The following CDV3 variants were observed in gnomAD, a reference collection of about 807,000 sequenced individuals.
CDV3 encodes the protein CDV3 homolog, also known as protein CDV3 homolog.
A neutral mutation model predicts 24.5 loss-of-function variants in CDV3; 14 were observed. That is an observed-to-expected ratio of 0.57 (90% CI 0.38 to 0.89). The LOEUF (loss-of-function observed/expected upper bound fraction) is 0.89, where lower values mean the gene tolerates loss of function less well. Ranked by LOEUF, CDV3 falls within the 40% of genes least tolerant of loss-of-function variation. The probability of loss-of-function intolerance (pLI) is 0.00; values close to 1 mark genes in which losing one functional copy is unlikely to be tolerated. For synonymous variants in CDV3, 114 were observed against 114.1 expected (o/e 1.00, Z 0.00); for missense variants, 304 against 310.2 (o/e 0.98, Z 0.15).
intron 2 of CDV3, among the ~76,000 whole-genome samples, chr3:133,578,810 C>G (rs994992095): frequency 1.2e-4 from 19 of 152,144 alleles, no homozygotes; most frequent in Non-Finnish European, 1.0e-4. Context: ...CTGCTTCCCC[C>G]TAGTGTTGGG....
At chr3:133,579,817 T>A (rs2074948738) in intron 2 of CDV3, among the ~76,000 whole-genome samples, 3 of 152,178 alleles carry the variant, frequency 2.0e-5, no homozygotes, top group African/African-American at 7.2e-5. Context: ...GGTCTCGAAC[T>A]CCTGACCTCC....
intron 2 of CDV3, among the ~76,000 whole-genome samples, chr3:133,583,062 C>T (rs766527834): frequency 2.5e-4 from 38 of 152,190 alleles, no homozygotes; most frequent in Non-Finnish European, 5.1e-4. Flanking sequence ...AATTAATTAG[C>T]ATTGAGAAAA....
At chr3:133,576,342 C>T (rs2074806165) in intron 2 of CDV3, among the ~76,000 whole-genome samples, 1 of 152,118 alleles carries the variant, frequency 6.6e-6, no homozygotes, top group Non-Finnish European at 1.5e-5. Flanking sequence ...ATGTGTCTTT[C>T]TCTTTTCTGT....
chr3:133,575,189 C>A, intron 2 of CDV3, 74 bp downstream of exon 2: 1 of 822,786 alleles, frequency 1.2e-6, no homozygotes, highest in Admixed American at 2.0e-5. Context: ...TTTCCTTTGG[C>A]CCCAAAGCAG....
intron 3 of CDV3, among the ~76,000 whole-genome samples, chr3:133,585,505 T>C (rs1252151390): frequency 2.1e-5 from 3 of 144,746 alleles, no homozygotes; most frequent in African/African-American, 8.2e-5. Context: ...TTTTTCTTTT[T>C]TTTTTTTAAG....
intron 2 of CDV3, among the ~76,000 whole-genome samples, chr3:133,578,912 G>A (rs2074917163): frequency 6.6e-6 from 1 of 152,158 alleles, no homozygotes; most frequent in Admixed American, 6.5e-5. Flanking sequence ...TGCAGGATGT[G>A]TGATCCTATC....
intron 4 of CDV3, 133 bp downstream of exon 4, chr3:133,586,855 A>G (rs1933658264): frequency 1.6e-6 from 1 of 628,560 alleles, no homozygotes; most frequent in Non-Finnish European, 2.9e-6. Context: ...TTCAGCTGAC[A>G]GGCAGGTGAG....
Position 133,590,053 on chromosome 3 carries a change from A to C in CDV3, c.*2007A>C, listed in dbSNP as rs1933964609. The C allele has an allele frequency of 3.3e-5, 5 of 152,356 alleles. No homozygotes were observed. The South Asian group carries it at 1.0e-3, about 32-fold the overall frequency. The allele number at this position is 152,356 out of a possible 1,614,324, so 9.4% of individuals were successfully genotyped here. The stretch of plus-strand genomic sequence containing the variant: ...AAGGCATATTGTACTCGAAATCTGA[A>C]GACCTGCAGCAGATTTAAATTACAA... On this transcript the variant is annotated 3_prime_UTR_variant, in exon 5 of 5. Transcript: ENST00000264993.
intron 2 of CDV3, among the ~76,000 whole-genome samples, chr3:133,577,456 G>A (rs1037139745): frequency 4.0e-5 from 6 of 151,076 alleles, no homozygotes; most frequent in African/African-American, 1.5e-4. Context: ...AGCCTCCCGG[G>A]TTCAAGCGAT....
chr3:133,574,482 C>G, intron 1 of CDV3, 198 bp downstream of exon 1: 1 of 986,380 alleles, frequency 1.0e-6, no homozygotes, highest in Non-Finnish European at 1.2e-6. Flanking sequence ...CGCGGTGGAG[C>G]CGCCCTTCCC....
intron 2 of CDV3, among the ~76,000 whole-genome samples, chr3:133,576,562 A>T (rs541591010): frequency 8.6e-4 from 131 of 152,136 alleles, no homozygotes; most frequent in Non-Finnish European, 1.5e-3. Context: ...GCAAAATAGC[A>T]CTTTTCTGAA....
chr3:133,587,759 G>C lies in CDV3; in HGVS notation c.627-137G>C, dbSNP rs1263103486. 3 of 1,432,516 alleles carry C rather than the reference G, an allele frequency of 2.1e-6. No homozygotes were observed. In the East Asian group the frequency reaches 7.4e-5, roughly 36 times the overall value. The allele number at this position is 1,432,516 out of a possible 1,614,324, so 88.7% of individuals were successfully genotyped here. ...TGAAGCCTTAAAATGGTTTGATAAG[G>C]ATTTTCTATATGCCTCCACTCCTAC... On this transcript the variant is annotated intron_variant, in intron 4 of 4. Coordinates refer to ENST00000264993, the MANE Select transcript of CDV3 (RefSeq NM_017548.5).
chr3:133,586,456 C>T, intron 3 of CDV3, 107 bp from the exon 4 acceptor site: 1 of 654,254 alleles, frequency 1.5e-6, no homozygotes, highest in East Asian at 2.7e-5. Flanking sequence ...CCCAGAGACC[C>T]TGGTATTGTT....
chr3:133,581,273 A>G (rs1932988545), intron 2 of CDV3, among the ~76,000 whole-genome samples: 1 of 152,088 alleles, frequency 6.6e-6, no homozygotes, highest in South Asian at 2.1e-4. Flanking sequence ...GTTCTAGCTT[A>G]CTTGGGAGGC....
chr3:133,583,125 T>TTA (rs1390009946), intron 2 of CDV3, among the ~76,000 whole-genome samples: 1 of 152,162 alleles, frequency 6.6e-6, no homozygotes, highest in Non-Finnish European at 1.5e-5. Context: ...TCTTTTCCAT[T>TTA]TATAACATCT....
chr3:133,575,394 G>A (rs2107690703), intron 2 of CDV3, among the ~76,000 whole-genome samples: 1 of 152,254 alleles, frequency 6.6e-6, no homozygotes, highest in Non-Finnish European at 1.5e-5. Context: ...GGATTTTGTC[G>A]CTTCAAAATT....
At chr3:133,575,253 G>C in intron 2 of CDV3, 138 bp downstream of exon 2, 1 of 563,320 alleles carries the variant, frequency 1.8e-6, no homozygotes, top group Non-Finnish European at 3.2e-6. Flanking sequence ...AATGGGTTCT[G>C]TCTACTCTTT....
At chr3:133,581,740 A>G (rs1933045745) in intron 2 of CDV3, among the ~76,000 whole-genome samples, 1 of 152,168 alleles carries the variant, frequency 6.6e-6, no homozygotes, top group Non-Finnish European at 1.5e-5. Flanking sequence ...ACCCAGAGCT[A>G]CTCTATAAAA....
At chr3:133,574,500 G>C in intron 1 of CDV3, 7 of 986,282 alleles carry the variant, frequency 7.1e-6, no homozygotes, top group Non-Finnish European at 8.4e-6. Context: ...CCCACCCCGC[G>C]TCGCTCGGCG....
Sources: allele counts gnomAD v4.1 joint callset (sites outside exome capture counted in the v4.1 genomes callset), GRCh38; gene constraint gnomAD v4.1.1; transcripts MANE v1.5; gene names NCBI Gene and HGNC (gene_info 2026-07-23, HGNC 2026-07-21).